Variants in CREB5 observed in about 807,000 individuals in gnomAD.
The protein encoded by CREB5 is cyclic AMP-responsive element-binding protein 5.
In CREB5, 19 loss-of-function variants were observed where a neutral mutation model predicts 57.1. That is an observed-to-expected ratio of 0.33 (90% CI 0.23 to 0.49). CREB5 has a LOEUF of 0.49. Ranked by LOEUF, CREB5 falls within the 20% of genes least tolerant of loss-of-function variation. The pLI is 0.99. For missense variants in CREB5, 579 were observed against 671.6 expected (o/e 0.86, Z 1.52); for synonymous variants, 238 against 238.3 (o/e 1.00, Z 0.01).
intron 5 of CREB5, among the ~76,000 whole-genome samples, chr7:28,661,250 T>G (rs1437802394): frequency 2.0e-5 from 3 of 152,212 alleles, no homozygotes; most frequent in Non-Finnish European, 4.4e-5. Context: ...CCATTCCTAG[T>G]TGTCCTTCCC....
intron 1 of CREB5, among the ~76,000 whole-genome samples, chr7:28,302,311 CCAAA>C (rs1190588217): frequency 6.6e-6 from 1 of 152,062 alleles, no homozygotes; most frequent in African/African-American, 2.4e-5. Context: ...AAATTAATTT[CCAAA>C]CAAACATTTA....
At chr7:28,571,035 C>T (rs1471084890) in intron 5 of CREB5, among the ~76,000 whole-genome samples, 1 of 152,048 alleles carries the variant, frequency 6.6e-6, no homozygotes, top group African/African-American at 2.4e-5. Flanking sequence ...GCAGATAGTA[C>T]CAAACCCTGT....
At chr7:28,364,887 A>G (rs561445819) in intron 1 of CREB5, among the ~76,000 whole-genome samples, 2 of 152,110 alleles carry the variant, frequency 1.3e-5, no homozygotes, top group African/African-American at 2.4e-5. Context: ...TATTTCACCC[A>G]ACATTCTTTT....
At chr7:28,626,901 G>A (rs1381333749) in intron 5 of CREB5, among the ~76,000 whole-genome samples, 6 of 152,160 alleles carry the variant, frequency 3.9e-5, no homozygotes, top group Non-Finnish European at 8.8e-5. Context: ...TCTGTTCCTA[G>A]GCTGGAGAAA....
chr7:28,321,301 T>G (rs1474489073), intron 1 of CREB5, among the ~76,000 whole-genome samples: 1 of 152,142 alleles, frequency 6.6e-6, no homozygotes, highest in East Asian at 1.9e-4. Flanking sequence ...TCGTCCTTCT[T>G]TATTAGCATG....
chr7:28,754,989 A>G (rs1202816321), intron 7 of CREB5, among the ~76,000 whole-genome samples: 1 of 152,146 alleles, frequency 6.6e-6, no homozygotes, highest in Non-Finnish European at 1.5e-5. Context: ...AAAAGATAGC[A>G]CTCTCTGAAC....
intron 1 of CREB5, among the ~76,000 whole-genome samples, chr7:28,378,636 C>A (rs1199744330): frequency 1.3e-5 from 2 of 152,158 alleles, no homozygotes; most frequent in Admixed American, 6.5e-5. Flanking sequence ...GTCACACCTG[C>A]AATTTTGATA....
chr7:28,812,293 G>A (rs1343188228), intron 9 of CREB5, among the ~76,000 whole-genome samples: 1 of 152,214 alleles, frequency 6.6e-6, no homozygotes, highest in Non-Finnish European at 1.5e-5. Flanking sequence ...CCTAATGCAT[G>A]CAAACATGGA....
At chr7:28,393,341 G>A (rs1299973331) in intron 1 of CREB5, among the ~76,000 whole-genome samples, 3 of 152,184 alleles carry the variant, frequency 2.0e-5, no homozygotes, top group Admixed American at 2.0e-4. Context: ...TAAAGGTTTA[G>A]ATTTTCAAAC....
chr7:28,810,537 A>T (rs1421888458), intron 9 of CREB5, among the ~76,000 whole-genome samples: 1 of 152,000 alleles, frequency 6.6e-6, no homozygotes, highest in Non-Finnish European at 1.5e-5. Context: ...TACTAAAAAC[A>T]CAAAAAAAAA....
At chr7:28,682,695 A>G (rs112733135) in intron 5 of CREB5, among the ~76,000 whole-genome samples, 8,571 of 111,940 alleles carry the variant, frequency 0.077, 280 homozygotes, top group Middle Eastern at 0.12. Flanking sequence ...GGGGGGGGGG[A>G]AACCCCAGCT....
intron 10 of CREB5, 29 bp downstream of exon 10, chr7:28,818,208 T>C (rs745524985): frequency 6.6e-7 from 1 of 1,520,154 alleles, no homozygotes; most frequent in Non-Finnish European, 9.1e-7. Flanking sequence ...CACTTTTCTT[T>C]AGTGTCCAAT....
At chr7:28,776,231 G>A (rs893856259) in intron 7 of CREB5, among the ~76,000 whole-genome samples, 3 of 151,948 alleles carry the variant, frequency 2.0e-5, no homozygotes, top group Non-Finnish European at 2.9e-5. Flanking sequence ...CCAGCTACTC[G>A]GGAGGCTGAG....
chr7:28,560,925 CGTGCGTGT>C (rs1795184721), intron 4 of CREB5, among the ~76,000 whole-genome samples: 1 of 33,480 alleles, frequency 3.0e-5, no homozygotes, highest in Non-Finnish European at 5.2e-5. Context: ...CGTGTGTGCG[CGTGCGTGT>C]GTGCGTGCGT....
chr7:28,663,445 T>C (rs1199088231), intron 5 of CREB5, among the ~76,000 whole-genome samples: 2 of 152,068 alleles, frequency 1.3e-5, no homozygotes, highest in Non-Finnish European at 2.9e-5. Context: ...GCTCAAGAGA[T>C]GCACCCTGCC....
intron 1 of CREB5, among the ~76,000 whole-genome samples, chr7:28,376,332 G>A (rs562891707): frequency 6.1e-5 from 9 of 148,674 alleles, no homozygotes; most frequent in East Asian, 2.0e-4. Context: ...GCAGTGGTGC[G>A]ATCTCATCTC....
intron 2 of CREB5, among the ~76,000 whole-genome samples, chr7:28,491,690 G>A (rs1006693667): frequency 1.3e-5 from 2 of 152,186 alleles, no homozygotes; most frequent in African/African-American, 2.4e-5. Flanking sequence ...TTCAATGGAA[G>A]AGGTGTTAGA....
intron 5 of CREB5, among the ~76,000 whole-genome samples, chr7:28,696,699 A>G (rs978974052): frequency 2.0e-5 from 3 of 152,134 alleles, no homozygotes; most frequent in African/African-American, 7.2e-5. Context: ...ATGTACACAT[A>G]TATATACACC....
intron 1 of CREB5, among the ~76,000 whole-genome samples, chr7:28,306,670 C>T (rs1785194976): frequency 6.7e-6 from 1 of 148,150 alleles, no homozygotes; most frequent in South Asian, 2.2e-4. Context: ...ACGCCATTCT[C>T]CTGCCTCAGC....
Sources: gnomAD v4.1 joint callset for allele counts (sites outside exome capture counted in the v4.1 genomes callset) on GRCh38, gnomAD v4.1.1 for gene constraint, MANE v1.5 for transcripts, NCBI Gene and HGNC (gene_info 2026-07-23, HGNC 2026-07-21) for gene names.